GABRG3: variants seen among roughly 807,000 people sequenced by gnomAD.
GABRG3 encodes the protein gamma-aminobutyric acid type A receptor subunit gamma3, also known as gamma-aminobutyric acid receptor subunit gamma-3.
Under a neutral mutation model 48.8 loss-of-function variants are expected in GABRG3, and 25 were observed. The observed-to-expected ratio is 0.51, with a 90% CI of 0.37 to 0.72. The LOEUF (loss-of-function observed/expected upper bound fraction) is 0.72, where lower values mean the gene tolerates loss of function less well. Among genes scored for constraint, GABRG3 ranks in the 30% least tolerant of loss-of-function variants. The probability of loss-of-function intolerance (pLI) is 0.00; values close to 1 mark genes in which losing one functional copy is unlikely to be tolerated. For synonymous variants in GABRG3, 227 were observed against 217.6 expected, an observed-to-expected ratio of 1.04 and a Z score of -0.38; for missense variants, 394 against 577.9, an observed-to-expected ratio of 0.68 and a Z score of 3.26.
intron 3 of GABRG3, among the ~76,000 whole-genome samples, chr15:27,086,829 C>A (rs183466364): frequency 1.2e-4 from 18 of 152,318 alleles, no homozygotes; most frequent in Admixed American, 6.5e-4. Context: ...GCTGTCCTGG[C>A]TTCTCTGAGG....
In GABRG3 at chr15:27,119,829, C is replaced by T. The variant is rs1052291673; in HGVS notation, c.270+93008C>T. Among the ~76,000 whole-genome samples, 43 of 152,224 alleles carry T rather than the reference C, an allele frequency of 2.8e-4. 1 individual carries two copies. The highest frequency in any genetic ancestry group is 9.6e-4 in the African/African-American group (40 of 41,454). On this transcript the variant is annotated intron_variant, in intron 3 of 9. Coordinates refer to ENST00000615808, the MANE Select transcript of GABRG3 (RefSeq NM_033223.5). ...AGAAGCCATCTCCATTTCCTTGGCA[C>T]ATGGGCATTCCCAGCACAGCTGCTG...
At chr15:27,513,318 T>C (rs57084065) in intron 6 of GABRG3, among the ~76,000 whole-genome samples, 20,761 of 151,732 alleles carry the variant, frequency 0.14, 3,678 homozygotes, top group African/African-American at 0.41. Flanking sequence ...GGCGTGGTGG[T>C]GGGCGCCTGT....
At chr15:27,124,502 A>C (rs183506867) in intron 3 of GABRG3, among the ~76,000 whole-genome samples, 1 of 152,300 alleles carries the variant, frequency 6.6e-6, no homozygotes, top group East Asian at 1.9e-4. Flanking sequence ...CCTAATTTAC[A>C]GTGTGATCCG....
At position 26,975,021 on chromosome 15, in the gene GABRG3, G is replaced by C. The variant is rs1305848596; in HGVS notation, c.54-1981G>C. ...CCTGAATAGCCAGGACTACAGGCAT[G>C]TGCCACCATGCCCCGCTAATTTTTT... On this transcript the variant is annotated intron_variant, in intron 1 of 9. Transcript: ENST00000615808. This position sits in a 1 kb window ranked among gnomAD's most constrained non-coding sequence, Gnocchi z 4.6. Among the ~76,000 whole-genome samples the C allele has an allele frequency of 1.3e-5, 2 of 151,708 alleles. No individual in the cohort carries two copies. Among genetic ancestry groups the C allele is most frequent in the Non-Finnish European group, 2.9e-5 (2 of 67,942 alleles).
intron 5 of GABRG3, among the ~76,000 whole-genome samples, chr15:27,424,586 T>C (rs111779562): frequency 0.041 from 6,023 of 145,838 alleles, 153 homozygotes; most frequent in Middle Eastern, 0.095. Flanking sequence ...AGAGTCTCAC[T>C]CTTGTCACCC....
intron 3 of GABRG3, among the ~76,000 whole-genome samples, chr15:27,194,650 T>A (rs1044320598): frequency 3.9e-5 from 6 of 152,222 alleles, no homozygotes; most frequent in Non-Finnish European, 7.3e-5. Flanking sequence ...TTTAAACCTA[T>A]ATGCAATGTG....
At chr15:27,109,368 G>A (rs1033262807) in intron 3 of GABRG3, among the ~76,000 whole-genome samples, 2 of 151,982 alleles carry the variant, frequency 1.3e-5, no homozygotes, top group Non-Finnish European at 2.9e-5. Flanking sequence ...TTACCTTAGG[G>A]TTCACTCTGT....
intron 3 of GABRG3, among the ~76,000 whole-genome samples, chr15:27,131,506 G>A (rs1283335168): frequency 2.6e-5 from 4 of 151,984 alleles, no homozygotes; most frequent in Non-Finnish European, 5.9e-5. Flanking sequence ...TCTTCTTAGA[G>A]TGTCTTTGTT....
At chr15:27,088,447 G>A (rs1897125242) in intron 3 of GABRG3, among the ~76,000 whole-genome samples, 1 of 152,144 alleles carries the variant, frequency 6.6e-6, no homozygotes, top group Non-Finnish European at 1.5e-5. Context: ...CTGGCCAACT[G>A]GGGAGGCTGT....
chr15:27,129,918 G>A lies in GABRG3; in HGVS notation c.270+103097G>A, dbSNP rs1897887251. 3.3e-5 allele frequency among the ~76,000 whole-genome samples: 5 copies of A among 151,950 alleles called. 1 individual carries two copies. The South Asian group carries it at 1.0e-3, about 32-fold the overall frequency. The stretch of plus-strand genomic sequence containing the variant: ...TGTTGTTGTTGTTGTTTAAATAGTT[G>A]CTCTGTTGTAGTTCTTTATATATTC... On this transcript the variant is annotated intron_variant, in intron 3 of 9. Coordinates refer to ENST00000615808, the MANE Select transcript of GABRG3 (RefSeq NM_033223.5).
intron 3 of GABRG3, among the ~76,000 whole-genome samples, chr15:27,074,338 C>CA (rs111503750): frequency 0.21 from 31,280 of 151,884 alleles, 3,347 homozygotes; most frequent in Middle Eastern, 0.27. Context: ...TCGTCAGAGC[C>CA]CCAAGAGAGA....
intron 3 of GABRG3, among the ~76,000 whole-genome samples, chr15:27,298,982 C>G (rs1011143354): frequency 6.6e-6 from 1 of 152,134 alleles, no homozygotes; most frequent in Admixed American, 6.6e-5. Context: ...TTTTATCTCC[C>G]ATTGTGTAAG....
intron 5 of GABRG3, among the ~76,000 whole-genome samples, chr15:27,469,326 C>T (rs1037967384): frequency 6.6e-6 from 1 of 152,128 alleles, no homozygotes; most frequent in African/African-American, 2.4e-5. Flanking sequence ...TCTCTCAAGT[C>T]TCTCTTCTTT....
At chr15:27,099,218 T>G (rs777238980) in intron 3 of GABRG3, among the ~76,000 whole-genome samples, 1 of 152,190 alleles carries the variant, frequency 6.6e-6, no homozygotes, top group Non-Finnish European at 1.5e-5. Context: ...TTTCTACACT[T>G]CACTCAAAGT....
intron 3 of GABRG3, among the ~76,000 whole-genome samples, chr15:27,077,305 T>C (rs1896926034): frequency 6.6e-6 from 1 of 152,210 alleles, no homozygotes; most frequent in South Asian, 2.1e-4. Flanking sequence ...CTCTGTTTCA[T>C]ACAGGCTTTC....
intron 9 of GABRG3, among the ~76,000 whole-genome samples, chr15:27,531,761 T>C (rs1011240345): frequency 2.0e-5 from 3 of 152,250 alleles, no homozygotes; most frequent in Non-Finnish European, 4.4e-5. Flanking sequence ...TCTGAAGAAT[T>C]GACAAGTCTA....
At chr15:27,025,602 T>A (rs1294155169) in intron 2 of GABRG3, among the ~76,000 whole-genome samples, 5 of 152,214 alleles carry the variant, frequency 3.3e-5, no homozygotes, top group Non-Finnish European at 7.3e-5. Flanking sequence ...ATTGTTTTCA[T>A]TACGTGAAGG....
chr15:27,380,702 C>T (rs1415887027), intron 5 of GABRG3, among the ~76,000 whole-genome samples: 2 of 151,060 alleles, frequency 1.3e-5, no homozygotes, highest in South Asian at 2.1e-4. Flanking sequence ...TCCATCATAT[C>T]CCCCTGTTGT....
At chr15:27,527,151 G>T (rs143607924) in intron 7 of GABRG3, among the ~76,000 whole-genome samples, 1 of 152,288 alleles carries the variant, frequency 6.6e-6, no homozygotes, top group South Asian at 2.1e-4. Flanking sequence ...GAGCGTCTAC[G>T]TTAAAAATTA....
Sources: gnomAD v4.1 joint callset for allele counts (sites outside exome capture counted in the v4.1 genomes callset) on GRCh38, gnomAD v4.1.1 for gene constraint, Gnocchi (gnomAD v3.1) non-coding constraint, MANE v1.5 for transcripts, NCBI Gene and HGNC (gene_info 2026-07-23, HGNC 2026-07-21) for gene names.